The following WDR72 variants were observed in gnomAD, a reference collection of about 807,000 sequenced individuals.
WDR72 encodes the protein WD repeat domain 72, also known as WD repeat-containing protein 72.
In WDR72, 120 loss-of-function variants were observed where a neutral mutation model predicts 124.2. The ratio of observed to expected loss-of-function variants is 0.97; its 90% CI spans 0.83 to 1.12. WDR72 has a LOEUF of 1.12. Ranked by LOEUF, WDR72 falls within the 50% of genes most tolerant of loss-of-function variation. The pLI, the probability that WDR72 is intolerant of heterozygous loss-of-function variation, is 0.00. For synonymous variants in WDR72, 452 were observed against 441.7 expected, an observed-to-expected ratio of 1.02 and a Z score of -0.29; for missense variants, 1,387 against 1,278.8, an observed-to-expected ratio of 1.08 and a Z score of -1.29.
intron 18 of WDR72, among the ~76,000 whole-genome samples, chr15:53,537,027 T>C (rs568264311): frequency 1.3e-5 from 2 of 152,328 alleles, no homozygotes; most frequent in East Asian, 1.9e-4. Context: ...TCACCTTTTT[T>C]CTTAATGAAA....
intron 1 of WDR72, among the ~76,000 whole-genome samples, chr15:53,740,912 G>A (rs1380251673): frequency 2.0e-5 from 3 of 152,168 alleles, no homozygotes; most frequent in Admixed American, 2.0e-4. Context: ...ATGAGATCAT[G>A]CACACAGTGT....
intron 17 of WDR72, among the ~76,000 whole-genome samples, chr15:53,608,481 G>A (rs1279962219): frequency 6.6e-6 from 1 of 152,102 alleles, no homozygotes; most frequent in African/African-American, 2.4e-5. Context: ...CAGGTCAGGT[G>A]AGATGGCACA....
chr15:53,742,275 T>C (rs1443541603), intron 1 of WDR72, among the ~76,000 whole-genome samples: 1 of 152,122 alleles, frequency 6.6e-6, no homozygotes, highest in African/African-American at 2.4e-5. Flanking sequence ...AATCTCTAAG[T>C]GAAAATAAAC....
At chr15:53,554,746 T>G (rs1336069972) in intron 18 of WDR72, among the ~76,000 whole-genome samples, 1 of 152,156 alleles carries the variant, frequency 6.6e-6, no homozygotes, top group Non-Finnish European at 1.5e-5. Context: ...TGACACCTTA[T>G]GTATGTGTTT....
intron 1 of WDR72, among the ~76,000 whole-genome samples, chr15:53,752,825 T>C (rs2018806131): frequency 6.6e-6 from 1 of 152,200 alleles, no homozygotes; most frequent in Admixed American, 6.5e-5. Flanking sequence ...ATCTATTCTC[T>C]ACCTCTTTGT....
chr15:53,686,625 C>CCCCA (rs2016637267), intron 13 of WDR72, among the ~76,000 whole-genome samples: 1 of 149,994 alleles, frequency 6.7e-6, no homozygotes, highest in Non-Finnish European at 1.5e-5. Context: ...GACTTTAACA[C>CCCCA]CCCACTGTCA....
intron 14 of WDR72, among the ~76,000 whole-genome samples, chr15:53,633,568 C>CA (rs2014512218): frequency 6.6e-6 from 1 of 151,984 alleles, no homozygotes; most frequent in South Asian, 2.1e-4. Context: ...AATAGCACCA[C>CA]AAAAAAGAAA....
Position 53,615,502 on chromosome 15 carries a change from C to T in WDR72, c.2704G>A (p.Val902Ile), listed in dbSNP as rs1376692256. Residue 902 changes from valine to isoleucine, a missense_variant, in exon 15 of 20, where the codon GTT (valine) becomes ATT (isoleucine). Coordinates refer to ENST00000360509, the MANE Select transcript of WDR72 (RefSeq NM_182758.4). Reference sequence around the variant, plus strand: ...AAAAATAGTCTGCTCAACAAATAAACTATAGTATCTGACTCTCGCAAAGAA... The same window carrying T: ...AAAAATAGTCTGCTCAACAAATAAATTATAGTATCTGACTCTCGCAAAGAA... ...CDSLRESDTI[V>I]YLLSRLFLVN... 1.2e-6 allele frequency: 2 copies of T among 1,612,644 alleles called. No homozygotes were observed. Among genetic ancestry groups the T allele is most frequent in the Non-Finnish European group, 1.7e-6 (2 of 1,179,324 alleles).
At chr15:53,720,206 C>A (rs1442271480) in intron 3 of WDR72, among the ~76,000 whole-genome samples, 1 of 151,948 alleles carries the variant, frequency 6.6e-6, no homozygotes, top group Non-Finnish European at 1.5e-5. Flanking sequence ...TCTGTAGCTA[C>A]TAAACAATAC....
intron 13 of WDR72, among the ~76,000 whole-genome samples, chr15:53,699,542 T>A (rs1427496391): frequency 6.6e-6 from 1 of 152,220 alleles, no homozygotes; most frequent in Non-Finnish European, 1.5e-5. Flanking sequence ...CACTGCCCTG[T>A]CAGCTAATCA....
intron 17 of WDR72, among the ~76,000 whole-genome samples, chr15:53,603,633 C>T (rs1309315814): frequency 6.6e-6 from 1 of 152,114 alleles, no homozygotes; most frequent in African/African-American, 2.4e-5. Flanking sequence ...GCAACTTCAG[C>T]GAAGTCTCAG....
chr15:53,569,735 G>A (rs926468494), intron 18 of WDR72, among the ~76,000 whole-genome samples: 1 of 152,066 alleles, frequency 6.6e-6, no homozygotes. Flanking sequence ...TTGCTGTCAT[G>A]AGAGTAATGA....
At chr15:53,756,280 C>G (rs1746573888) in intron 1 of WDR72, among the ~76,000 whole-genome samples, 3 of 152,188 alleles carry the variant, frequency 2.0e-5, no homozygotes, top group Admixed American at 2.0e-4. Context: ...CTCATTCTCT[C>G]TCCTGCAACC....
At chr15:53,556,897 A>G (rs77721838) in intron 18 of WDR72, among the ~76,000 whole-genome samples, 25,639 of 152,098 alleles carry the variant, frequency 0.17, 2,566 homozygotes, top group Middle Eastern at 0.26. Flanking sequence ...TTACATGTAT[A>G]ATACATATGT....
chr15:53,709,652 G>C (rs1162133410), intron 9 of WDR72, among the ~76,000 whole-genome samples: 1 of 152,134 alleles, frequency 6.6e-6, no homozygotes, highest in Non-Finnish European at 1.5e-5. Flanking sequence ...TACTGTTTTT[G>C]TGATCGACAG....
chr15:53,669,026 G>A (rs1488049412), intron 13 of WDR72, among the ~76,000 whole-genome samples: 2 of 130,484 alleles, frequency 1.5e-5, no homozygotes, highest in Admixed American at 8.2e-5. Context: ...AAAAGAAGAA[G>A]GGAGGAAGGG....
chr15:53,600,996 C>T (rs180992292), intron 17 of WDR72, among the ~76,000 whole-genome samples: 2 of 152,220 alleles, frequency 1.3e-5, no homozygotes, highest in African/African-American at 2.4e-5. Flanking sequence ...CATTCTTCCC[C>T]CAACCTTAAA....
intron 18 of WDR72, among the ~76,000 whole-genome samples, chr15:53,543,352 G>A (rs1030694486): frequency 1.6e-4 from 25 of 151,888 alleles, no homozygotes; most frequent in Non-Finnish European, 2.1e-4. Flanking sequence ...ACTCAAAACC[G>A]CTCAACTACA....
intron 14 of WDR72, among the ~76,000 whole-genome samples, chr15:53,653,377 G>C (rs1315724371): frequency 6.6e-6 from 1 of 152,178 alleles, no homozygotes; most frequent in African/African-American, 2.4e-5. Context: ...AAATAAAAAG[G>C]ATGCTGAGAA....
Sources: gnomAD v4.1 joint callset for allele counts (sites outside exome capture counted in the v4.1 genomes callset) on GRCh38, gnomAD v4.1.1 for gene constraint, MANE v1.5 for transcripts, NCBI Gene and HGNC (gene_info 2026-07-23, HGNC 2026-07-21) for gene names.